PML: variants seen among roughly 807,000 people sequenced by gnomAD.
The protein encoded by PML is protein PML.
A neutral mutation model predicts 65.2 loss-of-function variants in PML; 28 were observed. The ratio of observed to expected loss-of-function variants is 0.43; its 90% confidence interval spans 0.32 to 0.59. The LOEUF is 0.59. PML is among the 20% of genes least tolerant of loss of function. The probability of loss-of-function intolerance (pLI) is 0.08; values close to 1 mark genes in which losing one functional copy is unlikely to be tolerated. For missense variants in PML, 1,021 were observed against 1,203.4 expected (o/e 0.85, Z 2.24); for synonymous variants, 500 against 508.8 (o/e 0.98, Z 0.23).
rs369699833 is a variant in PML at position 74,043,152 on chromosome 15, G to T, written c.1861+13G>T. ...ATTGACAATGAAAGTGGGTTCTCCTGGGGCTACCCCCACCCCTTTCTAATT... is the reference window on the plus strand; with the variant it reads ...ATTGACAATGAAAGTGGGTTCTCCTTGGGCTACCCCCACCCCTTTCTAATT... On this transcript the variant is annotated intron_variant, in intron 8 of 8. Coordinates refer to ENST00000268058, the MANE Select transcript of PML (RefSeq NM_033238.3). This position sits in a 1 kb window ranked among gnomAD's most constrained non-coding sequence, Gnocchi z 4.3. 1 of 1,613,800 alleles carries T rather than the reference G, an allele frequency of 6.2e-7. No individual in the cohort carries two copies.
intron 3 of PML, among the ~76,000 whole-genome samples, chr15:74,023,737 A>G (rs2070951500): frequency 6.6e-6 from 1 of 152,176 alleles, no homozygotes; most frequent in East Asian, 1.9e-4. Flanking sequence ...CAGAGGGACC[A>G]AGCACTTCAG....
intron 7 of PML, among the ~76,000 whole-genome samples, chr15:74,036,678 C>T (rs1433428470): frequency 1.3e-5 from 2 of 152,090 alleles, no homozygotes; most frequent in African/African-American, 4.8e-5. Context: ...TGCCCACCCT[C>T]ATTGAGGGCA....
chr15:74,031,377 G>A (rs1037425137), intron 4 of PML: 18 of 334,592 alleles, frequency 5.4e-5, no homozygotes, highest in Middle Eastern at 2.2e-3. Flanking sequence ...GGGCTCAAGC[G>A]ATTCTCATGC....
intron 4 of PML, chr15:74,025,308 A>C: frequency 3.1e-6 from 1 of 323,640 alleles, no homozygotes; most frequent in Non-Finnish European, 6.1e-6. Context: ...ATATAGGGTC[A>C]GCAGTCCTGA....
At chr15:74,036,044 A>G in intron 7 of PML, 1 of 1,614,078 alleles carries the variant, frequency 6.2e-7, no homozygotes, top group Non-Finnish European at 8.5e-7. Context: ...GGCCCTGCAC[A>G]GAGTAGCACT....
At position 74,032,679 on chromosome 15, in the gene PML, G is replaced by A. The variant is rs1195945354; in HGVS notation, c.1362G>A (p.Val454=). ...QSVPGAHPVP[V]YAFSIKGPSY... ...TGCCCGGGGCACACCCCGTGCCAGTGTACGCCTTCTCCATCAAAGGCCCTT... is the reference window on the plus strand; with the variant it reads ...TGCCCGGGGCACACCCCGTGCCAGTATACGCCTTCTCCATCAAAGGCCCTT... Residue 454 remains valine (V), a synonymous_variant, in exon 5 of 9, where the codon GTG becomes GTA. Transcript: ENST00000268058. 1.9e-6 allele frequency: 3 copies of A among 1,614,120 alleles called. No individual in the cohort carries two copies. The highest frequency in any genetic ancestry group is 4.5e-5 in the East Asian group (2 of 44,898).
intron 2 of PML, among the ~76,000 whole-genome samples, chr15:74,002,897 C>T (rs974795801): frequency 6.6e-6 from 1 of 151,604 alleles, no homozygotes; most frequent in Non-Finnish European, 1.5e-5. Flanking sequence ...AGGCCAAGGC[C>T]GGTGGATATT....
chr15:74,033,949 A>G, intron 6 of PML: 1 of 337,016 alleles, frequency 3.0e-6, no homozygotes, highest in Non-Finnish European at 5.5e-6. Context: ...GGAACAAGAG[A>G]GTTCTAAGGA....
intron 8 of PML, 36 bp from the exon 9 acceptor site, chr15:74,044,185 C>T (rs1400553189): frequency 6.2e-7 from 1 of 1,610,214 alleles, no homozygotes; most frequent in Non-Finnish European, 8.5e-7. Flanking sequence ...CTCTCTGTGA[C>T]CCTGGGTCCT....
intron 2 of PML, among the ~76,000 whole-genome samples, chr15:74,004,739 A>AT (rs2069953730): frequency 6.9e-6 from 1 of 143,916 alleles, no homozygotes; most frequent in South Asian, 2.1e-4. Context: ...TTTTTTTGAG[A>AT]TAGAGTATTG....
chr15:73,995,887 T>C (rs1404084589), intron 1 of PML, among the ~76,000 whole-genome samples: 4 of 152,048 alleles, frequency 2.6e-5, no homozygotes, highest in Non-Finnish European at 5.9e-5. Context: ...CCCGAGTAGC[T>C]GGGATTACAG....
intron 4 of PML, among the ~76,000 whole-genome samples, chr15:74,031,929 G>A (rs888036824): frequency 2.6e-5 from 4 of 152,146 alleles, no homozygotes; most frequent in African/African-American, 9.7e-5. Context: ...TTATAGAGGG[G>A]GACTGAGGCC....
At chr15:74,006,812 C>T (rs188171968) in intron 2 of PML, among the ~76,000 whole-genome samples, 228 of 152,106 alleles carry the variant, frequency 1.5e-3, no homozygotes, top group Non-Finnish European at 2.1e-3. Context: ...GGGGAACAGG[C>T]GTGTCGCATG....
Position 74,037,958 on chromosome 15 carries a change from A to T in PML, c.1710+3428A>T, listed in dbSNP as rs760102637. Among the ~76,000 whole-genome samples the T allele has an allele frequency of 6.6e-6, 1 of 151,916 alleles. No individual in the cohort carries two copies. Among genetic ancestry groups the T allele is most frequent in the Admixed American group, 6.6e-5 (1 of 15,242 alleles). Reference sequence around the variant, plus strand: ...CAGCTCCGCATGGATGCCCATAGGTACCTCAAACTCAGCACCTTCTCCTCC... The same window carrying T: ...CAGCTCCGCATGGATGCCCATAGGTTCCTCAAACTCAGCACCTTCTCCTCC... On this transcript the variant is annotated intron_variant, in intron 7 of 8. Transcript: ENST00000268058. This position sits in a 1 kb window ranked among gnomAD's most constrained non-coding sequence, Gnocchi z 4.2.
chr15:74,037,710 G>C lies in PML; in HGVS notation c.1710+3180G>C. ...CCGGTCTTTCCTGGAAAGATCGCCT[G>C]CTCGGATGCAGCTCTGGGCACTCCT... On this transcript the variant is annotated intron_variant, in intron 7 of 8. Transcript: ENST00000268058. The surrounding 1 kb of genome is among the most constrained non-coding windows in gnomAD (Gnocchi z 4.2). The C allele has an allele frequency of 1.0e-6, 1 of 985,334 alleles. No homozygotes were observed. The highest frequency in any genetic ancestry group is 1.2e-6 in the Non-Finnish European group (1 of 829,894). The allele number at this position is 985,334 out of a possible 1,614,324, so 61.0% of individuals were successfully genotyped here. A position where few individuals can be genotyped will look rare whatever the true frequency, so the allele number is the denominator to read the frequency against.
chr15:74,006,605 G>A lies in PML; in HGVS notation c.602+8129G>A, dbSNP rs190889839. Among the ~76,000 whole-genome samples, 77 of 152,260 alleles carry A rather than the reference G, an allele frequency of 5.1e-4. 1 individual carries two copies. Among genetic ancestry groups the A allele is most frequent in the Middle Eastern group, 6.8e-3 (2 of 294 alleles). On this transcript the variant is annotated intron_variant, in intron 2 of 8. Transcript: ENST00000268058. ...GGCAGGGTAAAAGAAAGGGGTTTTA[G>A]GCTTGCAAAGGTGGCAAACTGTTGG...
Position 74,023,264 on chromosome 15 carries a change from G to T in PML, c.1039G>T (p.Asp347Tyr). 6.2e-7 allele frequency: 1 copy of T among 1,611,016 alleles called. No homozygotes were observed. ...CTACGCCTCGGACCAGGAGGTGCTG[G>T]ACATGCACGGTTTCCTGCGCCAGGC... Reference protein sequence around the residue: ...KCYASDQEVLDMHGFLRQALC... With the variant: ...KCYASDQEVLYMHGFLRQALC... Residue 347 changes from aspartate to tyrosine, a missense_variant, in exon 3 of 9, where the codon GAC becomes TAC. Transcript: ENST00000268058.
At position 74,044,319 on chromosome 15, in the gene PML, T is replaced by A. The variant is rs1252366505; in HGVS notation, c.1960T>A (p.Ser654Thr). Residue 654 changes from serine to threonine, a missense_variant, in exon 9 of 9, where the codon TCC becomes ACC. Physicochemically the swap from Ser to Thr is moderately conservative, Grantham distance 58. Coordinates refer to ENST00000268058, the MANE Select transcript of PML (RefSeq NM_033238.3). ...AFFSIYSKAV[S>T]LEVGLQHFLS... ...CTTCAGCATCTACTCCAAGGCCGTG[T>A]CCCTGGAGGTGGGGCTGCAGCACTT... 1 of 1,613,932 alleles carries A rather than the reference T, an allele frequency of 6.2e-7. No individual in the cohort carries two copies. Among genetic ancestry groups the A allele is most frequent in the African/African-American group, 1.3e-5 (1 of 74,926 alleles).
In PML at chr15:74,044,580, C is replaced by A. The variant is rs769540520; in HGVS notation, c.2221C>A (p.Arg741Ser). Residue 741 changes from arginine to serine, a missense_variant, in exon 9 of 9, where the codon CGC becomes AGC. By Grantham distance (110) the Arg-to-Ser change is moderately radical. Coordinates refer to ENST00000268058, the MANE Select transcript of PML (RefSeq NM_033238.3). ...CTACCTGGCGAGAAACATGAGCGAG[C>A]GCAGCGCCATGGCTGCCGTGCTGGC... ...QTYLARNMSE[R>S]SAMAAVLAMR... is the part of the protein sequence containing the mutation. 6.8e-6 allele frequency: 11 copies of A among 1,610,558 alleles called. No individual in the cohort carries two copies. Among genetic ancestry groups the A allele is most frequent in the Non-Finnish European group, 8.5e-6 (10 of 1,180,016 alleles).
Sources: gnomAD v4.1 joint callset for allele counts (sites outside exome capture counted in the v4.1 genomes callset) on GRCh38, gnomAD v4.1.1 for gene constraint, Gnocchi (gnomAD v3.1) non-coding constraint, MANE v1.5 for transcripts, NCBI Gene and HGNC (gene_info 2026-07-23, HGNC 2026-07-21) for gene names.